ZNF676: variants seen among roughly 807,000 people sequenced by gnomAD.
ZNF676 encodes the protein zinc finger protein 676.
ZNF676 carries 4 observed loss-of-function variants against 6.0 expected under a neutral mutation model. The ratio of observed to expected loss-of-function variants is 0.67; its 90% CI spans 0.33 to 1.53. The LOEUF is 1.53. Among genes scored for constraint, ZNF676 ranks in the 40% most tolerant of loss-of-function variants. ZNF676 has a pLI of 0.06. For synonymous variants in ZNF676, 198 were observed against 223.1 expected, an observed-to-expected ratio of 0.89 and a Z score of 1.00; for missense variants, 644 against 679.7, an observed-to-expected ratio of 0.95 and a Z score of 0.58.
chr19:22,250,114 G>A, the ZNF676 span, among the ~76,000 whole-genome samples: 102 of 151,782 alleles, frequency 6.7e-4, 1 homozygote, highest in Middle Eastern at 3.4e-3. Flanking sequence ...CCCAGGAGGC[G>A]GAGGTTTCAG....
intron 2 of ZNF676, among the ~76,000 whole-genome samples, chr19:22,183,363 G>A (rs984401691): frequency 1.3e-5 from 2 of 152,170 alleles, no homozygotes; most frequent in East Asian, 1.9e-4. Context: ...TTGAGACAAA[G>A]TTTTACTCTT....
At chr19:22,200,497 A>C (rs962679846), upstream of ZNF676, among the ~76,000 whole-genome samples, 2 of 150,204 alleles carry the variant, frequency 1.3e-5, no homozygotes, top group African/African-American at 4.9e-5. Flanking sequence ...GATGGTAGGA[A>C]TCATGACTGC....
At chr19:22,223,038 C>T in the ZNF676 span, among the ~76,000 whole-genome samples, 1 of 152,146 alleles carries the variant, frequency 6.6e-6, no homozygotes, top group African/African-American at 2.4e-5. Flanking sequence ...AAACATTAAA[C>T]TGTATGGCTA....
At chr19:22,188,884 C>T (rs755172015) in intron 2 of ZNF676, among the ~76,000 whole-genome samples, 6 of 152,194 alleles carry the variant, frequency 3.9e-5, no homozygotes, top group Non-Finnish European at 7.3e-5. Context: ...ACATTCCACG[C>T]TCATGCATAG....
chr19:22,186,471 C>A (rs1232824478), intron 2 of ZNF676, among the ~76,000 whole-genome samples: 3 of 152,128 alleles, frequency 2.0e-5, no homozygotes, highest in Admixed American at 2.0e-4. Context: ...GAAACTGCAT[C>A]AACTAATGGG....
chr19:22,207,666 T>G (rs978844733), intron 1 of ZNF676, among the ~76,000 whole-genome samples: 1 of 152,130 alleles, frequency 6.6e-6, no homozygotes, highest in African/African-American at 2.4e-5. Flanking sequence ...ACAAGAAAGC[T>G]GGAGGCATTA....
At chr19:22,200,827 G>T (rs1349462673), upstream of ZNF676, among the ~76,000 whole-genome samples, 1 of 151,994 alleles carries the variant, frequency 6.6e-6, no homozygotes, top group Non-Finnish European at 1.5e-5. Flanking sequence ...GGGATTACAG[G>T]TATGAGACAC....
the ZNF676 span, among the ~76,000 whole-genome samples, chr19:22,246,642 A>G: frequency 2.6e-5 from 4 of 152,216 alleles, no homozygotes; most frequent in Admixed American, 2.6e-4. Context: ...ATATGTCACA[A>G]TCTCCACTGT....
At chr19:22,187,596 A>G (rs1027219642) in intron 2 of ZNF676, among the ~76,000 whole-genome samples, 1 of 151,852 alleles carries the variant, frequency 6.6e-6, no homozygotes, top group African/African-American at 2.4e-5. Context: ...TTTTTCAAAA[A>G]GATCAACAAA....
At chr19:22,223,557 C>A in the ZNF676 span, among the ~76,000 whole-genome samples, 3 of 150,248 alleles carry the variant, frequency 2.0e-5, no homozygotes, top group East Asian at 3.9e-4. Context: ...TCTCCCTATA[C>A]ATTTTTACTT....
chr19:22,205,115 G>A (rs189173075), intron 1 of ZNF676, among the ~76,000 whole-genome samples: 1 of 152,030 alleles, frequency 6.6e-6, no homozygotes, highest in African/African-American at 2.4e-5. Flanking sequence ...AAAAGCAGAA[G>A]AGAGAAAATT....
At chr19:22,234,902 T>C in the ZNF676 span, among the ~76,000 whole-genome samples, 3 of 148,934 alleles carry the variant, frequency 2.0e-5, no homozygotes, top group South Asian at 2.1e-4. Context: ...CATTGCACTC[T>C]AGCCTGGATG....
chr19:22,180,358 T>C lies in ZNF676; in HGVS notation c.1359A>G (p.Glu453=). 1.2e-6 allele frequency: 2 copies of C among 1,614,014 alleles called. No individual in the cohort carries two copies. Among genetic ancestry groups the C allele is most frequent in the Non-Finnish European group, 1.7e-6 (2 of 1,179,932 alleles). ...AGGACCAGGTGAAGGCTTTGCCACA[T>C]TCTTCACATTTGTAGGGTTTCTCTC... ...HAGEKPYKCE[E]CGKAFTWSSS... Residue 453 remains glutamate, a synonymous_variant, in exon 3 of 3, where the codon GAA becomes GAG. Transcript: ENST00000397121.
chr19:22,190,650 T>C (rs1422854467), intron 2 of ZNF676, among the ~76,000 whole-genome samples: 30 of 128,634 alleles, frequency 2.3e-4, no homozygotes, highest in African/African-American at 1.0e-3. Context: ...TATATATATA[T>C]ATATATATAT....
At position 22,196,723 on chromosome 19, in the gene ZNF676, C is replaced by G. The variant is rs1391804196; in HGVS notation, c.-90G>C. The G allele has an allele frequency of 8.7e-6, 14 of 1,606,050 alleles. No homozygotes were observed. In the East Asian group the frequency reaches 3.1e-4, roughly 36 times the overall value. On this transcript the variant is annotated 5_prime_UTR_variant, in exon 1 of 3. Coordinates refer to ENST00000397121, the MANE Select transcript of ZNF676 (RefSeq NM_001001411.3). ...ATGGCCACATCCCTAAATGTCAATG[C>G]TCCCTGGAAAACACACACAAACACA...
At position 22,179,626 on chromosome 19, in the gene ZNF676, C is replaced by T. The variant is rs61744911; in HGVS notation, c.*324G>A. 3.1e-3 allele frequency: 1,621 copies of T among 530,252 alleles called. 6 individuals carry two copies. Among genetic ancestry groups the T allele is most frequent in the Middle Eastern group, 6.0e-3 (20 of 3,336 alleles). The allele number at this position is 530,252 out of a possible 1,614,324, so 32.8% of individuals were successfully genotyped here. The stretch of plus-strand genomic sequence containing the variant: ...CGTTTTTCACATTTGTAGGGCTTTT[C>T]CTCCAGTATGAATTCTTTTATGAGT... On this transcript the variant is annotated 3_prime_UTR_variant, in exon 3 of 3. Transcript: ENST00000397121.
At chr19:22,188,637 T>G (rs984115139) in intron 2 of ZNF676, among the ~76,000 whole-genome samples, 1 of 152,158 alleles carries the variant, frequency 6.6e-6, no homozygotes, top group Non-Finnish European at 1.5e-5. Flanking sequence ...AAAATCTACC[T>G]AAGCTGATAA....
At chr19:22,192,708 C>T (rs1375148047) in intron 2 of ZNF676, among the ~76,000 whole-genome samples, 10 of 144,246 alleles carry the variant, frequency 6.9e-5, no homozygotes, top group South Asian at 2.2e-4. Context: ...TAAAATTACG[C>T]GGATATCTAT....
chr19:22,250,550 C>T, the ZNF676 span, among the ~76,000 whole-genome samples: 1 of 152,042 alleles, frequency 6.6e-6, no homozygotes, highest in Non-Finnish European at 1.5e-5. Context: ...TCCTGAGTAC[C>T]CGAGATTATA....
Sources: gnomAD v4.1 joint callset for allele counts (sites outside exome capture counted in the v4.1 genomes callset) on GRCh38, gnomAD v4.1.1 for gene constraint, MANE v1.5 for transcripts, NCBI Gene and HGNC (gene_info 2026-07-23, HGNC 2026-07-21) for gene names.